Variants in FAM8A1 observed in about 807,000 individuals in gnomAD.
FAM8A1 encodes the protein family with sequence similarity 8 member A1.
A neutral mutation model predicts 38.3 loss-of-function variants in FAM8A1; 18 were observed. The ratio of observed to expected loss-of-function variants is 0.47; its 90% CI spans 0.33 to 0.70. FAM8A1 has a LOEUF of 0.70. Among genes scored for constraint, FAM8A1 ranks in the 30% least tolerant of loss-of-function variants. The pLI is 0.03. For synonymous variants in FAM8A1, 246 were observed against 234.4 expected, an observed-to-expected ratio of 1.05 and a Z score of -0.45; for missense variants, 559 against 559.6, an observed-to-expected ratio of 1.00 and a Z score of 0.01.
In FAM8A1 at chr6:17,610,107, TAGG is replaced by T. The variant is rs1459485407; in HGVS notation, c.*1771_*1773del. ...AAGAAAAATCTTTCATTTTTAAAAT[TAGG>T]AGATGTTACGTAACTTGGCACTTTA... On this transcript the variant is annotated 3_prime_UTR_variant, in exon 5 of 5. Transcript: ENST00000259963. The T allele has an allele frequency of 2.0e-5, 3 of 152,166 alleles. No homozygotes were observed. The highest frequency in any genetic ancestry group is 4.4e-5 in the Non-Finnish European group (3 of 67,974). 9.4% of individuals were successfully genotyped at this position (152,166 alleles called of 1,614,324 possible). A position where few individuals can be genotyped will look rare whatever the true frequency, so the allele number is the denominator to read the frequency against.
At position 17,609,416 on chromosome 6, in the gene FAM8A1, T is replaced by C. The variant is rs533238595; in HGVS notation, c.*1077T>C. ...CTATTAATTAATAGCTTGCGAAATA[T>C]TAGCAATTTTCCCATTATGGACTAT... On this transcript the variant is annotated 3_prime_UTR_variant, in exon 5 of 5. Transcript: ENST00000259963. 7.2e-5 allele frequency: 11 copies of C among 152,294 alleles called. No individual in the cohort carries two copies. The highest frequency in any genetic ancestry group is 2.1e-4 in the South Asian group (1 of 4,830). 9.4% of individuals were successfully genotyped at this position (152,294 alleles called of 1,614,324 possible).
intron 3 of FAM8A1, 75 bp from the exon 4 acceptor site, chr6:17,605,799 A>G: frequency 7.4e-7 from 1 of 1,354,396 alleles, no homozygotes; most frequent in Non-Finnish European, 9.8e-7. Flanking sequence ...ACATGAAATA[A>G]TATGGTGGGA....
At chr6:17,601,775 C>T (rs1049189918) in intron 1 of FAM8A1, among the ~76,000 whole-genome samples, 1 of 151,846 alleles carries the variant, frequency 6.6e-6, no homozygotes, top group Admixed American at 6.6e-5. Context: ...GCCTCTGATC[C>T]CAGTCAGAAT....
In FAM8A1 at chr6:17,604,937, A is replaced by G; in HGVS notation, c.865A>G (p.Ile289Val). The G allele has an allele frequency of 1.2e-6, 2 of 1,602,788 alleles. No homozygotes were observed. The highest frequency in any genetic ancestry group is 1.7e-6 in the Non-Finnish European group (2 of 1,171,976). ...CTCTAAGTTTGCTATGCATTATATA[A>G]TAGAAGAAATAGATGAAGACACATC... ...DISKFAMHYI[I>V]EEIDEDTSME... Residue 289 changes from isoleucine to valine, a missense_variant, in exon 3 of 5, where the codon ATA (isoleucine) becomes GTA (valine). Ile to Val is a conservative substitution (Grantham distance 29). Around this residue, in one of 2 missense-constraint regions of FAM8A1, gnomAD observed 166 missense variants for 220.8 expected, o/e 0.75. Transcript: ENST00000259963.
chr6:17,606,054 A>T (rs1428317675), intron 4 of FAM8A1, 41 bp downstream of exon 4: 5 of 1,423,002 alleles, frequency 3.5e-6, no homozygotes, highest in Non-Finnish European at 4.7e-6. Context: ...ATACTTAATG[A>T]AAATAATGTG....
Position 17,608,213 on chromosome 6 carries a change from G to A in FAM8A1, c.1116G>A (p.Leu372=). The A allele has an allele frequency of 6.2e-7, 1 of 1,613,660 alleles. No homozygotes were observed. Among genetic ancestry groups the A allele is most frequent in the Non-Finnish European group, 8.5e-7 (1 of 1,179,730 alleles). The change falls in exon 5 of 5, where the codon TTG becomes TTA. Residue 372 remains leucine, a synonymous_variant. Transcript: ENST00000259963. ...TTTTTAGGTCCACTATCCGAGCTTT[G>A]ATCAAGAATTTTTCAATTGCTTCTT... ...VSITTSTIRA[L]IKNFSIASFF...
In FAM8A1 at chr6:17,609,250, G is replaced by C. The variant is rs1280309279; in HGVS notation, c.*911G>C. ...TGTGCAGCATGAAGAAAGTATTAGT[G>C]CTTCTCAGTGTTCTCAGTGTAAATT... On this transcript the variant is annotated 3_prime_UTR_variant, in exon 5 of 5. Coordinates refer to ENST00000259963, the MANE Select transcript of FAM8A1 (RefSeq NM_016255.3). The C allele has an allele frequency of 6.6e-6, 1 of 151,942 alleles. No homozygotes were observed. Among genetic ancestry groups the C allele is most frequent in the Non-Finnish European group, 1.5e-5 (1 of 67,994 alleles). 9.4% of individuals were successfully genotyped at this position (151,942 alleles called of 1,614,324 possible).
chr6:17,608,082 T>C (rs1329029469), intron 4 of FAM8A1, 113 bp from the exon 5 acceptor site: 3 of 1,144,330 alleles, frequency 2.6e-6, no homozygotes, highest in East Asian at 4.7e-5. Context: ...TGTAGACTTC[T>C]GTAGAGAAGT....
rs1764103358 is a variant in FAM8A1, at chr6:17,609,313, A to G, written c.*974A>G. On this transcript the variant is annotated 3_prime_UTR_variant, in exon 5 of 5. Coordinates refer to ENST00000259963, the MANE Select transcript of FAM8A1 (RefSeq NM_016255.3). ...AGCATATTCACATACTACTTTCCTT[A>G]TATTTTATATAGTTCTATGACTGTT... The G allele has an allele frequency of 6.6e-6, 1 of 152,190 alleles. No individual in the cohort carries two copies. Among genetic ancestry groups the G allele is most frequent in the Non-Finnish European group, 1.5e-5 (1 of 68,040 alleles). 9.4% of individuals were successfully genotyped at this position (152,190 alleles called of 1,614,324 possible).
intron 4 of FAM8A1, 24 bp from the exon 5 acceptor site, chr6:17,608,171 G>T: frequency 6.2e-7 from 1 of 1,611,848 alleles, no homozygotes; most frequent in South Asian, 1.1e-5. Context: ...TAACTTACCT[G>T]ATATTTTTGT....
intron 4 of FAM8A1, among the ~76,000 whole-genome samples, chr6:17,607,086 C>G (rs1764061827): frequency 6.6e-6 from 1 of 151,892 alleles, no homozygotes. Context: ...TGGTGAAACC[C>G]CGTCTCTACT....
In FAM8A1 at chr6:17,600,941, C is replaced by G. The variant is rs765431891; in HGVS notation, c.532C>G (p.Leu178Val). 1 of 1,593,024 alleles carries G rather than the reference C, an allele frequency of 6.3e-7. No homozygotes were observed. Among genetic ancestry groups the G allele is most frequent in the Non-Finnish European group, 8.5e-7 (1 of 1,172,110 alleles). ...GGGCTATTACAACCCCTTCTACTTC[C>G]TGAGCCCCGGGGCCGCGGGGCCTGA... ...QLGYYNPFYFLSPGAAGPDPR... is the reference protein window; with the variant it reads ...QLGYYNPFYFVSPGAAGPDPR... The change falls in exon 1 of 5, where the codon CTG becomes GTG. Residue 178 changes from leucine (L) to valine (V), a missense_variant. By Grantham distance (32) the Leu-to-Val change is conservative (BLOSUM62 1). Around this residue, in one of 2 missense-constraint regions of FAM8A1, gnomAD observed 393 missense variants for 338.9 expected, o/e 1.16. Coordinates refer to ENST00000259963, the MANE Select transcript of FAM8A1 (RefSeq NM_016255.3).
Position 17,600,531 on chromosome 6 carries a change from A to ACGACCCCCAGGC in FAM8A1, c.126_137dup (p.Asp42_Ala45dup). ...ACCACCGCCGTCCCATGCCCCCGCG[A>ACGACCCCCAGGC]CGACCCCCAGGCCGAACCCCAGGCC... On this transcript the variant is annotated inframe_insertion, in exon 1 of 5. Transcript: ENST00000259963. The ACGACCCCCAGGC allele has an allele frequency of 6.5e-7, 1 of 1,531,462 alleles. No individual in the cohort carries two copies. Among genetic ancestry groups the ACGACCCCCAGGC allele is most frequent in the Non-Finnish European group, 8.7e-7 (1 of 1,143,478 alleles). 94.9% of individuals were successfully genotyped at this position (1,531,462 alleles called of 1,614,324 possible).
At chr6:17,604,077 T>A (rs1764021383) in intron 2 of FAM8A1, among the ~76,000 whole-genome samples, 1 of 151,738 alleles carries the variant, frequency 6.6e-6, no homozygotes. Flanking sequence ...TTTCTCTTTT[T>A]AAAATGTTTA....
rs1185320562 is a variant in FAM8A1 at position 17,611,502 on chromosome 6, C to T, written c.*3163C>T. ...TCAATTACTTGATATTCCTTGTCTCCAGTACCACAGGCCACTCTTGACATC... is the reference window on the plus strand; with the variant it reads ...TCAATTACTTGATATTCCTTGTCTCTAGTACCACAGGCCACTCTTGACATC... On this transcript the variant is annotated 3_prime_UTR_variant, in exon 5 of 5. Transcript: ENST00000259963. The T allele has an allele frequency of 6.6e-6, 1 of 152,570 alleles. No homozygotes were observed. Among genetic ancestry groups the T allele is most frequent in the Non-Finnish European group, 1.5e-5 (1 of 68,030 alleles). The allele number at this position is 152,570 out of a possible 1,614,324, so 9.5% of individuals were successfully genotyped here.
chr6:17,604,959 C>A lies in FAM8A1; in HGVS notation c.887C>A (p.Thr296Lys). 1 of 1,607,884 alleles carries A rather than the reference C, an allele frequency of 6.2e-7. No individual in the cohort carries two copies. Among genetic ancestry groups the A allele is most frequent in the Non-Finnish European group, 8.5e-7 (1 of 1,175,400 alleles). Residue 296 changes from threonine to lysine, a missense_variant, in exon 3 of 5, where the codon ACA becomes AAA. Physicochemically the swap from Thr to Lys is moderately conservative, Grantham distance 78 (BLOSUM62 -1). Transcript: ENST00000259963. ...ATAATAGAAGAAATAGATGAAGACA[C>A]ATCAATGGAAGACTTGCAGAAAATG... ...HYIIEEIDEDTSMEDLQKMMV... is the reference protein window; with the variant it reads ...HYIIEEIDEDKSMEDLQKMMV...
chr6:17,604,716 T>G (rs1405597593), intron 2 of FAM8A1, among the ~76,000 whole-genome samples, 190 bp from the exon 3 acceptor site: 1 of 152,106 alleles, frequency 6.6e-6, no homozygotes, highest in East Asian at 1.9e-4. Flanking sequence ...GCTAGTACAG[T>G]GTCTGCTCAT....
chr6:17,605,727 ATAAAGT>A (rs1764043888), intron 3 of FAM8A1, 141 bp from the exon 4 acceptor site: 1 of 683,448 alleles, frequency 1.5e-6, no homozygotes, highest in Admixed American at 3.6e-5. Flanking sequence ...ACAGAAATGC[ATAAAGT>A]TAAATGGTTA....
At position 17,610,867 on chromosome 6, in the gene FAM8A1, A is replaced by G. The variant is rs746954058; in HGVS notation, c.*2528A>G. On this transcript the variant is annotated 3_prime_UTR_variant, in exon 5 of 5. Coordinates refer to ENST00000259963, the MANE Select transcript of FAM8A1 (RefSeq NM_016255.3). ...GGCAGTTAATTTAGGCGTCTAGAAA[A>G]TCTCAGTTCCCACCAGTAAAATTAT... 1 of 152,114 alleles carries G rather than the reference A, an allele frequency of 6.6e-6. No individual in the cohort carries two copies. Among genetic ancestry groups the G allele is most frequent in the African/African-American group, 2.4e-5 (1 of 41,432 alleles). The allele number at this position is 152,114 out of a possible 1,614,324, so 9.4% of individuals were successfully genotyped here.
Sources: allele counts gnomAD v4.1 joint callset (sites outside exome capture counted in the v4.1 genomes callset), GRCh38; gene constraint gnomAD v4.1.1; regional missense constraint gnomAD v4.1.1; transcripts MANE v1.5; gene names NCBI Gene and HGNC (gene_info 2026-07-23, HGNC 2026-07-21).